MKRN2: variants seen among roughly 807,000 people sequenced by gnomAD.
MKRN2 encodes E3 ubiquitin-protein ligase makorin-2.
MKRN2 carries 32 observed loss-of-function variants against 45.4 expected under a neutral mutation model. The ratio of observed to expected loss-of-function variants is 0.70; its 90% CI spans 0.53 to 0.95. The LOEUF (loss-of-function observed/expected upper bound fraction) is 0.95, where lower values mean the gene tolerates loss of function less well. Ranked by LOEUF, MKRN2 falls within the 40% of genes least tolerant of loss-of-function variation. MKRN2 has a pLI of 0.00. For missense variants in MKRN2, 526 were observed against 536.7 expected, an observed-to-expected ratio of 0.98 and a Z score of 0.20; for synonymous variants, 206 against 192.4, an observed-to-expected ratio of 1.07 and a Z score of -0.59.
intron 2 of MKRN2, among the ~76,000 whole-genome samples, chr3:12,569,751 G>A (rs779763705): frequency 8.5e-5 from 13 of 152,108 alleles, no homozygotes; most frequent in Non-Finnish European, 1.6e-4. Context: ...TACTGGGTCA[G>A]TCAGGCATCA....
intron 6 of MKRN2, 95 bp from the exon 7 acceptor site, chr3:12,581,713 T>A (rs996570565): frequency 7.2e-7 from 1 of 1,390,638 alleles, no homozygotes; most frequent in African/African-American, 1.4e-5. Flanking sequence ...GACCTACCTC[T>A]GGCGTAAGGG....
intron 6 of MKRN2, among the ~76,000 whole-genome samples, chr3:12,581,188 G>C (rs559287107): frequency 3.9e-5 from 6 of 152,300 alleles, no homozygotes; most frequent in African/African-American, 1.4e-4. Context: ...ACTGTATGCT[G>C]TAGACCCATG....
Position 12,572,132 on chromosome 3 carries a change from G to T in MKRN2, c.401G>T (p.Ser134Ile). 6.2e-7 allele frequency: 1 copy of T among 1,614,004 alleles called. No homozygotes were observed. The highest frequency in any genetic ancestry group is 8.5e-7 in the Non-Finnish European group (1 of 1,179,982). Residue 134 changes from serine (S) to isoleucine (I), a missense_variant, in exon 4 of 8, where the codon AGC becomes ATC. Ser to Ile is a moderately radical substitution (Grantham distance 142). Coordinates refer to ENST00000170447, the MANE Select transcript of MKRN2 (RefSeq NM_014160.5). ...ATGGTGAGTAATCCAGGCAGCTGCA[G>T]CGACCCCCAGCCCAGCCCCGAGATG... ...PSMVSNPGSC[S>I]DPQPSPEMKP... is the part of the protein sequence containing the mutation.
chr3:12,559,646 G>C (rs559564497), intron 1 of MKRN2, among the ~76,000 whole-genome samples: 1 of 152,220 alleles, frequency 6.6e-6, no homozygotes, highest in South Asian at 2.1e-4. Flanking sequence ...TTATTGCCTG[G>C]AGTGGTAAAA....
intron 6 of MKRN2, among the ~76,000 whole-genome samples, chr3:12,581,104 G>C (rs1025471403): frequency 2.0e-5 from 3 of 152,136 alleles, no homozygotes; most frequent in Non-Finnish European, 4.4e-5. Flanking sequence ...CCTTGGGCAG[G>C]GTTCTTAACA....
At chr3:12,571,704 C>T (rs1044310958) in intron 3 of MKRN2, among the ~76,000 whole-genome samples, 4 of 152,180 alleles carry the variant, frequency 2.6e-5, no homozygotes, top group African/African-American at 9.7e-5. Context: ...ACACTGTGTT[C>T]TAGTGCTCTC....
rs746306718 is a variant in MKRN2 at position 12,574,779 on chromosome 3, G to A, written c.643-13G>A. 3.7e-6 allele frequency: 6 copies of A among 1,609,630 alleles called. No individual in the cohort carries two copies. In the South Asian group the frequency reaches 5.5e-5, roughly 15 times the overall value. ...GCCCACAACCAAAGCCTTCCTTCCT[G>A]TCTGTGCTTCAGATCTGCATGTTGA... On this transcript the variant is annotated splice_polypyrimidine_tract_variant and intron_variant, in intron 4 of 7. Transcript: ENST00000170447.
At chr3:12,577,935 C>T (rs1248703278) in intron 6 of MKRN2, among the ~76,000 whole-genome samples, 1 of 152,192 alleles carries the variant, frequency 6.6e-6, no homozygotes, top group Non-Finnish European at 1.5e-5. Context: ...CCTCGGCCTC[C>T]CAAAGTGCTG....
chr3:12,568,345 G>C (rs934258542), intron 1 of MKRN2, among the ~76,000 whole-genome samples: 1 of 152,204 alleles, frequency 6.6e-6, no homozygotes, highest in African/African-American at 2.4e-5. Context: ...TAGTCAAGGA[G>C]CATCTGTGTA....
chr3:12,574,107 G>A (rs934120907), intron 4 of MKRN2, among the ~76,000 whole-genome samples: 1 of 152,108 alleles, frequency 6.6e-6, no homozygotes, highest in Non-Finnish European at 1.5e-5. Flanking sequence ...ACTCCATGTG[G>A]CAGCGGACAA....
chr3:12,580,762 G>A (rs1359547553), intron 6 of MKRN2, among the ~76,000 whole-genome samples: 3 of 152,206 alleles, frequency 2.0e-5, no homozygotes, highest in South Asian at 4.1e-4. Context: ...CCCGGCCAGA[G>A]GGCTTTTCTT....
intron 1 of MKRN2, among the ~76,000 whole-genome samples, chr3:12,563,514 G>A (rs1233961653): frequency 3.5e-5 from 5 of 142,396 alleles, no homozygotes; most frequent in East Asian, 2.1e-4. Flanking sequence ...TTCCTGAGAC[G>A]GAGTCTCACT....
chr3:12,559,338 G>A (rs2633443), intron 1 of MKRN2, among the ~76,000 whole-genome samples: 88,234 of 151,992 alleles, frequency 0.58, 28,120 homozygotes, highest in African/African-American at 0.84. Context: ...CAAAAGCCTT[G>A]TCTCTAGACA....
At chr3:12,564,137 G>T (rs894229890) in intron 1 of MKRN2, among the ~76,000 whole-genome samples, 1 of 151,878 alleles carries the variant, frequency 6.6e-6, no homozygotes, top group African/African-American at 2.4e-5. Context: ...GTAGAGATGG[G>T]GTTTCACCAT....
At position 12,582,549 on chromosome 3, in the gene MKRN2, T is replaced by TA. The variant is rs1310771511; in HGVS notation, c.*302dup. 3.5e-6 allele frequency: 1 copy of TA among 287,346 alleles called. No homozygotes were observed. The highest frequency in any genetic ancestry group is 2.1e-5 in the African/African-American group (1 of 47,192). 17.8% of individuals were successfully genotyped at this position (287,346 alleles called of 1,614,324 possible). On this transcript the variant is annotated 3_prime_UTR_variant, in exon 8 of 8. Coordinates refer to ENST00000170447, the MANE Select transcript of MKRN2 (RefSeq NM_014160.5). ...CCCAAACTGTTTGGATTGATTGCTT[T>TA]AAAAAACAAACCTGGCTCTTACCTT...
At chr3:12,581,274 G>A (rs762619791) in intron 6 of MKRN2, among the ~76,000 whole-genome samples, 36 of 152,212 alleles carry the variant, frequency 2.4e-4, no homozygotes, top group African/African-American at 8.4e-4. Flanking sequence ...CCCTGGTGCC[G>A]AGGTTGGAGA....
chr3:12,581,833 C>A lies in MKRN2; in HGVS notation c.994C>A (p.Gln332Lys), dbSNP rs761244775. The A allele has an allele frequency of 1.9e-6, 3 of 1,614,112 alleles. No homozygotes were observed. The African/African-American group carries it at 4.0e-5, about 22-fold the overall frequency. The part of the protein sequence containing the change: ...MGKKACKYFE[Q>K]GKGTCPFGSK... Reference sequence around the variant, plus strand: ...GAAAAAAGCCTGTAAATACTTTGAGCAAGGCAAGGGGACCTGCCCATTTGG... The same window carrying A: ...GAAAAAAGCCTGTAAATACTTTGAGAAAGGCAAGGGGACCTGCCCATTTGG... The change falls in exon 7 of 8, where the codon CAA becomes AAA. Residue 332 changes from glutamine to lysine, a missense_variant. Physicochemically the swap from Gln to Lys is moderately conservative, Grantham distance 53 (BLOSUM62 1). Coordinates refer to ENST00000170447, the MANE Select transcript of MKRN2 (RefSeq NM_014160.5).
chr3:12,573,452 C>T (rs762078037), intron 4 of MKRN2, among the ~76,000 whole-genome samples: 4 of 151,790 alleles, frequency 2.6e-5, no homozygotes, highest in African/African-American at 4.8e-5. Flanking sequence ...GAGGATCACC[C>T]GAGCCTGGGA....
rs759535304 is a variant in MKRN2, at chr3:12,570,249, C to T, written c.334C>T (p.Arg112Ter). The T allele has an allele frequency of 2.3e-5, 37 of 1,612,850 alleles. No homozygotes were observed. The highest frequency in any genetic ancestry group is 3.0e-5 in the Non-Finnish European group (35 of 1,179,318). The stretch of plus-strand genomic sequence containing the variant: ...AAAGAGAACATTGGTTCTTAGAGAC[C>T]GAAGTGAGTAAGCGGAAGCCTTTTG... ...REKRTLVLRD[R>*]NLSGMAERKT... Residue 112 changes from arginine to a stop codon, truncating the protein, a stop_gained, in exon 3 of 8, where the codon CGA (arginine) becomes TGA (stop). Coordinates refer to ENST00000170447, the MANE Select transcript of MKRN2 (RefSeq NM_014160.5). LOFTEE classifies it high-confidence loss of function.
Sources: gnomAD v4.1 joint callset for allele counts (sites outside exome capture counted in the v4.1 genomes callset) on GRCh38, gnomAD v4.1.1 for gene constraint, MANE v1.5 for transcripts, NCBI Gene and HGNC (gene_info 2026-07-23, HGNC 2026-07-21) for gene names.